The following RBMS3 variants were observed in gnomAD, a reference collection of about 807,000 sequenced individuals.
RBMS3 encodes the protein RNA-binding motif, single-stranded-interacting protein 3.
Under a neutral mutation model 66.8 loss-of-function variants are expected in RBMS3, and 27 were observed. That is an observed-to-expected ratio of 0.40 (90% CI 0.30 to 0.56). The LOEUF (loss-of-function observed/expected upper bound fraction) is 0.56. Ranked by LOEUF, RBMS3 falls within the 20% of genes least tolerant of loss-of-function variation. RBMS3 has a pLI of 0.40. For synonymous variants in RBMS3, 188 were observed against 183.0 expected, an observed-to-expected ratio of 1.03 and a Z score of -0.22; for missense variants, 513 against 549.5, an observed-to-expected ratio of 0.93 and a Z score of 0.66.
At chr3:29,694,167 G>T (rs1019697420) in intron 4 of RBMS3, among the ~76,000 whole-genome samples, 7 of 151,738 alleles carry the variant, frequency 4.6e-5, no homozygotes, top group Non-Finnish European at 1.0e-4. Flanking sequence ...AGGGAAGGGG[G>T]TGTGCAAGGG....
intron 3 of RBMS3, among the ~76,000 whole-genome samples, chr3:29,577,747 A>C (rs1338904283): frequency 6.6e-6 from 1 of 152,080 alleles, no homozygotes; most frequent in Non-Finnish European, 1.5e-5. Context: ...TCCCTCCCTC[A>C]AATGCACAGA....
At chr3:29,501,258 A>C (rs1321384907) in intron 3 of RBMS3, among the ~76,000 whole-genome samples, 2 of 152,218 alleles carry the variant, frequency 1.3e-5, no homozygotes, top group African/African-American at 2.4e-5. Flanking sequence ...ATGTCTTATT[A>C]ATATGGACTA....
chr3:29,422,286 T>TGAAG (rs2040775334), intron 1 of RBMS3, among the ~76,000 whole-genome samples: 1 of 151,750 alleles, frequency 6.6e-6, no homozygotes, highest in South Asian at 2.1e-4. Flanking sequence ...TGCCAGTCTC[T>TGAAG]GAAGCTCAAT....
At chr3:29,382,921 A>T (rs1322426698) in intron 1 of RBMS3, among the ~76,000 whole-genome samples, 1 of 152,184 alleles carries the variant, frequency 6.6e-6, no homozygotes, top group Non-Finnish European at 1.5e-5. Context: ...ACATACTCAT[A>T]GGCTCATCTG....
intron 6 of RBMS3, among the ~76,000 whole-genome samples, chr3:29,853,684 C>T (rs908765408): frequency 6.6e-6 from 1 of 152,078 alleles, no homozygotes; most frequent in Non-Finnish European, 1.5e-5. Context: ...TTACAAGCCC[C>T]GTGTTTAGAG....
chr3:29,340,828 A>G (rs1381249027), intron 1 of RBMS3, among the ~76,000 whole-genome samples: 10 of 152,150 alleles, frequency 6.6e-5, no homozygotes, highest in African/African-American at 2.4e-4. Flanking sequence ...CAAATAAAGT[A>G]CATTTTATAT....
intron 1 of RBMS3, among the ~76,000 whole-genome samples, chr3:29,326,155 A>G (rs781729231): frequency 6.6e-6 from 1 of 152,116 alleles, no homozygotes; most frequent in Non-Finnish European, 1.5e-5. Flanking sequence ...TCTTTCTACA[A>G]TGCAGTTTGA....
chr3:29,746,585 G>A (rs955727557), intron 5 of RBMS3, among the ~76,000 whole-genome samples: 2 of 152,122 alleles, frequency 1.3e-5, no homozygotes, highest in African/African-American at 4.8e-5. Context: ...TCTTTTGTGT[G>A]TCTCATCTTG....
chr3:29,431,760 C>G (rs1408182514), intron 1 of RBMS3, among the ~76,000 whole-genome samples: 1 of 151,982 alleles, frequency 6.6e-6, no homozygotes, highest in African/African-American at 2.4e-5. Flanking sequence ...GGGTCTTGCT[C>G]TGTTGCCCAG....
chr3:29,445,909 G>A (rs1049131184), intron 2 of RBMS3, among the ~76,000 whole-genome samples: 2 of 152,010 alleles, frequency 1.3e-5, no homozygotes, highest in Non-Finnish European at 2.9e-5. Flanking sequence ...TTTTGTTTTA[G>A]TTTTTTAAGC....
chr3:29,567,639 G>A (rs2046792511), intron 3 of RBMS3, among the ~76,000 whole-genome samples: 1 of 152,084 alleles, frequency 6.6e-6, no homozygotes. Context: ...AGCAATAGTG[G>A]TCTATTGCAT....
chr3:29,974,635 C>A (rs1189128044), intron 12 of RBMS3, among the ~76,000 whole-genome samples: 5 of 151,366 alleles, frequency 3.3e-5, no homozygotes, highest in African/African-American at 4.8e-5. Context: ...ATCCTAATTT[C>A]CATTGCCATA....
rs531792206 is a variant in RBMS3 at position 29,551,472 on chromosome 3, A to T, written c.308-35642A>T. Among the ~76,000 whole-genome samples, 3 of 152,338 alleles carry T rather than the reference A, an allele frequency of 2.0e-5. No individual in the cohort carries two copies. In the South Asian group the frequency reaches 6.2e-4, roughly 32 times the overall value. ...AGGGAAGATCTTGTCAGATGAACAAATCTGAAGTTCTTGGAAGTTTTGGGT... is the reference window on the plus strand; with the variant it reads ...AGGGAAGATCTTGTCAGATGAACAATTCTGAAGTTCTTGGAAGTTTTGGGT... On this transcript the variant is annotated intron_variant, in intron 3 of 14. Coordinates refer to ENST00000383767, the MANE Select transcript of RBMS3 (RefSeq NM_001003793.3).
chr3:29,791,453 T>C (rs2057010409), intron 6 of RBMS3, among the ~76,000 whole-genome samples: 2 of 152,214 alleles, frequency 1.3e-5, no homozygotes, highest in Admixed American at 1.3e-4. Context: ...CAAACAGTGG[T>C]GTGCTTTAGC....
At chr3:29,701,515 A>G (rs1217035414) in intron 4 of RBMS3, among the ~76,000 whole-genome samples, 1 of 151,918 alleles carries the variant, frequency 6.6e-6, no homozygotes, top group African/African-American at 2.4e-5. Flanking sequence ...GCACTATGGG[A>G]GCCCCTCTCT....
At chr3:29,888,247 C>T (rs1296217527) in intron 8 of RBMS3, among the ~76,000 whole-genome samples, 1 of 151,674 alleles carries the variant, frequency 6.6e-6, no homozygotes, top group Non-Finnish European at 1.5e-5. Context: ...TCAAGAAACA[C>T]ATTTTAGTTA....
intron 2 of RBMS3, among the ~76,000 whole-genome samples, chr3:29,435,874 CT>C (rs1356949521): frequency 6.9e-6 from 1 of 144,020 alleles, no homozygotes. Flanking sequence ...ACTCAGGAGG[CT>C]GAGGCAGGAG....
rs2054960795 is a variant in RBMS3 at position 29,747,397 on chromosome 3, GATAGA to G, written c.557+7521_557+7525del. Among the ~76,000 whole-genome samples the G allele has an allele frequency of 5.6e-3, 238 of 42,872 alleles. 2 individuals are homozygous for G. Among genetic ancestry groups the G allele is most frequent in the African/African-American group, 0.014 (169 of 11,864 alleles). The allele number at this position is 42,872 out of a possible 152,430, so 28.1% of individuals were successfully genotyped here. A position where few individuals can be genotyped will look rare whatever the true frequency, so the allele number is the denominator to read the frequency against. Reference sequence around the variant, plus strand: ...ATCTAGGTAGGTAGGTAGGTAGATAGATAGATAGATAGATAGATAGATAGATAGAT... The same window carrying G: ...ATCTAGGTAGGTAGGTAGGTAGATAGTAGATAGATAGATAGATAGATAGAT... On this transcript the variant is annotated intron_variant, in intron 5 of 14. Transcript: ENST00000383767.
intron 2 of RBMS3, among the ~76,000 whole-genome samples, chr3:29,455,673 C>A (rs1356687843): frequency 1.3e-5 from 2 of 152,022 alleles, no homozygotes; most frequent in African/African-American, 4.8e-5. Flanking sequence ...GATACCTGAA[C>A]AAAGCTTATC....
Sources: allele counts gnomAD v4.1 joint callset (sites outside exome capture counted in the v4.1 genomes callset), GRCh38; gene constraint gnomAD v4.1.1; transcripts MANE v1.5; gene names NCBI Gene and HGNC (gene_info 2026-07-23, HGNC 2026-07-21).